PPP4R2: variants seen among roughly 807,000 people sequenced by gnomAD.
PPP4R2 encodes the protein serine/threonine-protein phosphatase 4 regulatory subunit 2.
A neutral mutation model predicts 47.2 loss-of-function variants in PPP4R2; 13 were observed. That is an observed-to-expected ratio of 0.28 (90% CI 0.18 to 0.44). PPP4R2 has a LOEUF of 0.44. PPP4R2 is among the 20% of genes least tolerant of loss of function. PPP4R2 has a pLI of 1.00. For missense variants in PPP4R2, 421 were observed against 491.2 expected (o/e 0.86, Z 1.35); for synonymous variants, 151 against 163.3 (o/e 0.92, Z 0.57).
Position 73,026,646 on chromosome 3 carries a change from A to G in PPP4R2, c.117-20540A>G, listed in dbSNP as rs111630432. Reference sequence around the variant, plus strand: ...CTGCATGCAGCCCAGGGCAGCTTTGAATGTGACCCAACACAAATTCATAAA... The same window carrying G: ...CTGCATGCAGCCCAGGGCAGCTTTGGATGTGACCCAACACAAATTCATAAA... On this transcript the variant is annotated intron_variant, in intron 2 of 8. Coordinates refer to ENST00000356692, the MANE Select transcript of PPP4R2 (RefSeq NM_174907.4). Among the ~76,000 whole-genome samples, 10 of 152,246 alleles carry G rather than the reference A, an allele frequency of 6.6e-5. 1 individual carries two copies. Among genetic ancestry groups the G allele is most frequent in the African/African-American group, 2.4e-4 (10 of 41,550 alleles).
intron 3 of PPP4R2, among the ~76,000 whole-genome samples, chr3:73,052,091 T>C (rs557520205): frequency 6.6e-6 from 1 of 152,152 alleles, no homozygotes; most frequent in South Asian, 2.1e-4. Context: ...AAGTATGGAA[T>C]GACTAGGTGC....
intron 2 of PPP4R2, among the ~76,000 whole-genome samples, chr3:73,010,876 A>T (rs1701709984): frequency 6.6e-6 from 1 of 152,114 alleles, no homozygotes; most frequent in Admixed American, 6.5e-5. Flanking sequence ...TTTAATGAAC[A>T]TTTATTTTGT....
In PPP4R2 at chr3:73,006,897, C is replaced by G. The variant is rs184081268; in HGVS notation, c.116+8739C>G. 3.9e-3 allele frequency among the ~76,000 whole-genome samples: 590 copies of G among 152,166 alleles called. 7 individuals are homozygous for G. Among genetic ancestry groups the G allele is most frequent in the African/African-American group, 0.013 (541 of 41,498 alleles). On this transcript the variant is annotated intron_variant, in intron 2 of 8. Coordinates refer to ENST00000356692, the MANE Select transcript of PPP4R2 (RefSeq NM_174907.4). The stretch of plus-strand genomic sequence containing the variant: ...CTTGACTTCTCTCTGTCACAGATCC[C>G]AGTAATGTTGAGGTCATGTGACTAT...
rs377653735 is a variant in PPP4R2, at chr3:73,063,733, A to G, written c.480A>G (p.Pro160=). ...MNGVMFPGNS[P]SYTERSNING... ...GTGTTATGTTTCCTGGAAATTCACC[A>G]AGCTATACTGAGAGGTGAGATTCTA... The change falls in exon 6 of 9, where the codon CCA becomes CCG. Residue 160 remains proline (P), a synonymous_variant. Transcript: ENST00000356692. 49 of 1,586,092 alleles carry G rather than the reference A, an allele frequency of 3.1e-5. No individual in the cohort carries two copies. Among genetic ancestry groups the G allele is most frequent in the Non-Finnish European group, 4.1e-5 (47 of 1,155,414 alleles).
At chr3:73,013,646 CTTTT>C (rs56817057) in intron 2 of PPP4R2, among the ~76,000 whole-genome samples, 1 of 145,048 alleles carries the variant, frequency 6.9e-6, no homozygotes, top group Non-Finnish European at 1.5e-5. Flanking sequence ...TTTTCTTTTT[CTTTT>C]TTTTTTTTGA....
In PPP4R2 at chr3:73,048,809, G is replaced by A. The variant is rs371130761; in HGVS notation, c.287+1453G>A. 3.0e-4 allele frequency among the ~76,000 whole-genome samples: 46 copies of A among 152,286 alleles called. 1 individual carries two copies. The highest frequency in any genetic ancestry group is 1.4e-3 in the South Asian group (7 of 4,834). On this transcript the variant is annotated intron_variant, in intron 3 of 8. Transcript: ENST00000356692. ...GCATGGGATTTTGAAATAAGATAGT[G>A]TAATCCAGTTAACGGTTTGCTTTAT...
intron 5 of PPP4R2, chr3:73,062,157 A>G (rs1702873873): frequency 6.5e-7 from 1 of 1,549,042 alleles, no homozygotes; most frequent in Non-Finnish European, 8.7e-7. Context: ...CAGATCTTAC[A>G]AAAGATCTTT....
chr3:73,031,130 G>A (rs1480482329), intron 2 of PPP4R2, among the ~76,000 whole-genome samples: 1 of 152,184 alleles, frequency 6.6e-6, no homozygotes, highest in East Asian at 1.9e-4. Context: ...TTTGGAGTAA[G>A]TATAACATAT....
chr3:73,048,757 A>G (rs1393149279), intron 3 of PPP4R2, among the ~76,000 whole-genome samples: 8 of 152,236 alleles, frequency 5.3e-5, no homozygotes, highest in African/African-American at 1.9e-4. Context: ...GATGGCATAA[A>G]TGGCTTGATT....
chr3:72,998,846 AT>A (rs1701405195), intron 2 of PPP4R2, among the ~76,000 whole-genome samples: 1 of 151,946 alleles, frequency 6.6e-6, no homozygotes, highest in South Asian at 2.1e-4. Flanking sequence ...GGCTAAGTTT[AT>A]TTGTAGACAA....
chr3:73,014,906 G>T, intron 2 of PPP4R2: 1 of 659,928 alleles, frequency 1.5e-6, no homozygotes, highest in South Asian at 1.6e-5. Flanking sequence ...GTCTTGCTGT[G>T]TTGCCCAGGC....
At chr3:73,048,804 A>G (rs531680868) in intron 3 of PPP4R2, among the ~76,000 whole-genome samples, 2 of 152,330 alleles carry the variant, frequency 1.3e-5, no homozygotes, top group South Asian at 2.1e-4. Context: ...TTGAAATAAG[A>G]TAGTGTAATC....
At chr3:73,003,216 T>G (rs1053870874) in intron 2 of PPP4R2, among the ~76,000 whole-genome samples, 5 of 126,044 alleles carry the variant, frequency 4.0e-5, no homozygotes, top group Non-Finnish European at 6.9e-5. Context: ...CTTTCCCTTT[T>G]GTTTTTTTTT....
chr3:73,058,233 A>G (rs1184183971), intron 3 of PPP4R2, among the ~76,000 whole-genome samples: 2 of 152,148 alleles, frequency 1.3e-5, no homozygotes, highest in Non-Finnish European at 2.9e-5. Flanking sequence ...TTTAAGTTGG[A>G]TTAAACTTAG....
At chr3:73,036,596 G>A (rs758188734) in intron 2 of PPP4R2, among the ~76,000 whole-genome samples, 1 of 152,180 alleles carries the variant, frequency 6.6e-6, no homozygotes, top group Admixed American at 6.5e-5. Flanking sequence ...AATTCATTTA[G>A]TAGCGTTGAC....
intron 2 of PPP4R2, among the ~76,000 whole-genome samples, chr3:73,045,297 C>T (rs1386075736): frequency 1.3e-5 from 2 of 152,180 alleles, no homozygotes; most frequent in Non-Finnish European, 2.9e-5. Flanking sequence ...GCCACCACAC[C>T]TGGCCTCGTA....
intron 2 of PPP4R2, among the ~76,000 whole-genome samples, chr3:73,036,490 T>C (rs1475627613): frequency 2.6e-5 from 4 of 152,252 alleles, no homozygotes; most frequent in Admixed American, 2.0e-4. Context: ...AAGTATCACA[T>C]GTATCCCATA....
rs1393880050 is a variant in PPP4R2, at chr3:73,065,345, G to A, written c.929-52G>A. 9 of 1,485,586 alleles carry A rather than the reference G, an allele frequency of 6.1e-6. No homozygotes were observed. In the South Asian group the frequency reaches 1.1e-4, roughly 18 times the overall value. The allele number at this position is 1,485,586 out of a possible 1,614,324, so 92.0% of individuals were successfully genotyped here. ...ATCAGAATTCATGAAACTTAACTGTGGAGGTATTTTGAAAATACAATTTAA... is the reference window on the plus strand; with the variant it reads ...ATCAGAATTCATGAAACTTAACTGTAGAGGTATTTTGAAAATACAATTTAA... On this transcript the variant is annotated intron_variant, in intron 8 of 8. Transcript: ENST00000356692.
intron 2 of PPP4R2, among the ~76,000 whole-genome samples, chr3:73,045,062 T>TAAA (rs1702455063): frequency 6.6e-6 from 1 of 152,200 alleles, no homozygotes; most frequent in Non-Finnish European, 1.5e-5. Flanking sequence ...GGTGTGATCT[T>TAAA]GGCTTACTGC....
Sources: gnomAD v4.1 joint callset for allele counts (sites outside exome capture counted in the v4.1 genomes callset) on GRCh38, gnomAD v4.1.1 for gene constraint, MANE v1.5 for transcripts, NCBI Gene and HGNC (gene_info 2026-07-23, HGNC 2026-07-21) for gene names.